The following DAB1 variants were observed in gnomAD, a reference collection of about 807,000 sequenced individuals.
The protein encoded by DAB1 is disabled homolog 1.
DAB1 carries 15 observed loss-of-function variants against 64.6 expected under a neutral mutation model. That is an observed-to-expected ratio of 0.23 (90% confidence interval 0.16 to 0.36). The LOEUF (loss-of-function observed/expected upper bound fraction) is 0.36, where lower values mean the gene tolerates loss of function less well. DAB1 is among the 10% of genes least tolerant of loss of function. DAB1 has a pLI of 1.00. For synonymous variants in DAB1, 235 were observed against 251.9 expected (o/e 0.93, Z 0.64); for missense variants, 596 against 706.7 (o/e 0.84, Z 1.78).
At chr1:57,031,536 T>C (rs531108352) in intron 9 of DAB1, among the ~76,000 whole-genome samples, 7 of 152,362 alleles carry the variant, frequency 4.6e-5, no homozygotes, top group East Asian at 3.9e-4. Context: ...TGTCACTATC[T>C]ATGTTTCACA....
intron 7 of DAB1, among the ~76,000 whole-genome samples, chr1:57,476,851 T>C (rs1397190334): frequency 1.3e-5 from 2 of 152,138 alleles, no homozygotes; most frequent in South Asian, 2.1e-4. Flanking sequence ...AATGACTAAG[T>C]GCATAGGCTC....
At chr1:57,490,727 T>C (rs894826108) in intron 7 of DAB1, among the ~76,000 whole-genome samples, 23 of 152,180 alleles carry the variant, frequency 1.5e-4, no homozygotes, top group Non-Finnish European at 1.2e-4. Flanking sequence ...ATTTGAACAA[T>C]ATCTAAACAA....
chr1:57,000,774 G>A (rs1325270981), intron 14 of DAB1, among the ~76,000 whole-genome samples: 3 of 152,172 alleles, frequency 2.0e-5, no homozygotes, highest in Non-Finnish European at 4.4e-5. Flanking sequence ...GATGCCCCAA[G>A]AAGTCAGGCT....
intron 7 of DAB1, among the ~76,000 whole-genome samples, chr1:57,561,363 G>T (rs142796012): frequency 0.03 from 4,522 of 152,304 alleles, 174 homozygotes; most frequent in Admixed American, 0.12. Flanking sequence ...ACCTGGTTGT[G>T]CACTGTGCAT....
chr1:58,275,499 GC>G (rs1427831631), intron 4 of DAB1, among the ~76,000 whole-genome samples: 1 of 151,828 alleles, frequency 6.6e-6, no homozygotes, highest in African/African-American at 2.4e-5. Flanking sequence ...AAATAAATTG[GC>G]AAAAACTTGA....
At chr1:58,021,932 A>G (rs944657888) in intron 5 of DAB1, among the ~76,000 whole-genome samples, 10 of 152,200 alleles carry the variant, frequency 6.6e-5, no homozygotes, top group Non-Finnish European at 1.2e-4. Context: ...CCACAGACAG[A>G]GTAGGTGGCT....
chr1:57,314,480 G>T (rs1230619580), intron 1 of DAB1, among the ~76,000 whole-genome samples: 1 of 152,124 alleles, frequency 6.6e-6, no homozygotes, highest in Admixed American at 6.5e-5. Flanking sequence ...CCAAGCCCTA[G>T]TTCTCTTTTC....
At chr1:57,516,418 C>T (rs762450872) in intron 7 of DAB1, among the ~76,000 whole-genome samples, 5 of 152,196 alleles carry the variant, frequency 3.3e-5, no homozygotes, top group Non-Finnish European at 7.3e-5. Flanking sequence ...TCTCGAAATT[C>T]ACTAGTATAG....
intron 4 of DAB1, among the ~76,000 whole-genome samples, chr1:58,275,974 C>G (rs1392327880): frequency 2.0e-5 from 3 of 152,240 alleles, no homozygotes; most frequent in African/African-American, 4.8e-5. Flanking sequence ...CAGTGGAATA[C>G]TGTTCAGTCT....
chr1:58,450,681 G>A (rs556209010), intron 3 of DAB1, among the ~76,000 whole-genome samples: 3 of 152,342 alleles, frequency 2.0e-5, no homozygotes, highest in South Asian at 2.1e-4. Context: ...GTGAACCCGG[G>A]AGGCGGAGAT....
intron 4 of DAB1, among the ~76,000 whole-genome samples, chr1:58,301,336 A>G (rs1319574663): frequency 6.6e-6 from 1 of 152,188 alleles, no homozygotes; most frequent in African/African-American, 2.4e-5. Context: ...AGCCAAGTTT[A>G]TCTCAACCTC....
chr1:58,337,665 C>A lies in DAB1; in HGVS notation n.309+5687G>T, dbSNP rs1663151748. 2.0e-5 allele frequency among the ~76,000 whole-genome samples: 3 copies of A among 151,946 alleles called. No individual in the cohort carries two copies. The South Asian group carries it at 6.2e-4, about 32-fold the overall frequency. ...CAAATAATGGAATAAACAGGTAGTA[C>A]CTTATAAAGAAGTATAAGGGAAACA... On this transcript the variant is annotated intron_variant and non_coding_transcript_variant, in intron 4 of 20. Coordinates refer to the DAB1 transcript ENST00000485760.
chr1:57,437,676 C>A lies in DAB1; in HGVS notation n.626-146510G>T, dbSNP rs369653532. On this transcript the variant is annotated intron_variant and non_coding_transcript_variant, in intron 7 of 20. Transcript: ENST00000485760. ...GAGACCATTCAATACATACAGATAC[C>A]CATTCCCCCCAGCCCCCACAAGTGC... is the stretch of plus-strand genomic sequence containing the variant. Among the ~76,000 whole-genome samples the A allele has an allele frequency of 1.1e-4, 16 of 152,210 alleles. No homozygotes were observed. The South Asian group carries it at 3.3e-3, about 32-fold the overall frequency.
At chr1:57,516,383 A>G (rs1644463570) in intron 7 of DAB1, among the ~76,000 whole-genome samples, 1 of 152,222 alleles carries the variant, frequency 6.6e-6, no homozygotes, top group African/African-American at 2.4e-5. Flanking sequence ...TATGATGAAG[A>G]CATAAGACCG....
intron 4 of DAB1, among the ~76,000 whole-genome samples, chr1:58,305,711 G>C (rs1368841690): frequency 6.6e-6 from 1 of 152,094 alleles, no homozygotes; most frequent in Non-Finnish European, 1.5e-5. Context: ...CTATCAAGTA[G>C]GTCAGCCCAT....
intron 4 of DAB1, among the ~76,000 whole-genome samples, chr1:57,076,203 C>A (rs914451356): frequency 6.6e-6 from 1 of 152,124 alleles, no homozygotes; most frequent in African/African-American, 2.4e-5. Context: ...GTTCCTGGGG[C>A]CTTGCAGGTA....
chr1:57,035,983 T>C lies in DAB1; in HGVS notation c.724-9940A>G, dbSNP rs575978551. ...TCAGCCTCCCGAGTAGCTGGAATTATAGGTGCATACCACCATGCCTGGCTA... is the reference window on the plus strand; with the variant it reads ...TCAGCCTCCCGAGTAGCTGGAATTACAGGTGCATACCACCATGCCTGGCTA... On this transcript the variant is annotated intron_variant, in intron 9 of 14. Coordinates refer to ENST00000371236, the MANE Select transcript of DAB1 (RefSeq NM_001365792.1). Among the ~76,000 whole-genome samples, 12 of 151,678 alleles carry C rather than the reference T, an allele frequency of 7.9e-5. No individual in the cohort carries two copies. In the South Asian group the frequency reaches 2.1e-3, roughly 27 times the overall value.
At chr1:57,139,384 C>A (rs1464790761) in intron 3 of DAB1, among the ~76,000 whole-genome samples, 1 of 152,148 alleles carries the variant, frequency 6.6e-6, no homozygotes, top group African/African-American at 2.4e-5. Flanking sequence ...GGACACCAAA[C>A]CTGCTGGCCC....
chr1:58,144,404 T>C (rs1021316602), intron 5 of DAB1, among the ~76,000 whole-genome samples: 2 of 152,342 alleles, frequency 1.3e-5, no homozygotes, highest in African/African-American at 4.8e-5. Flanking sequence ...ATTTGTACAG[T>C]GCTTTACAGT....
Sources: allele counts gnomAD v4.1 joint callset (sites outside exome capture counted in the v4.1 genomes callset), GRCh38; gene constraint gnomAD v4.1.1; transcripts MANE v1.5; gene names NCBI Gene and HGNC (gene_info 2026-07-23, HGNC 2026-07-21).